Variants in SH3PXD2A observed in about 807,000 individuals in gnomAD.
SH3PXD2A encodes SH3 and PX domain-containing protein 2A.
SH3PXD2A carries 32 observed loss-of-function variants against 115.2 expected under a neutral mutation model. The ratio of observed to expected loss-of-function variants is 0.28; its 90% CI spans 0.21 to 0.37. The LOEUF is 0.37. Ranked by LOEUF, SH3PXD2A falls within the 10% of genes least tolerant of loss-of-function variation. SH3PXD2A has a pLI of 1.00. For synonymous variants in SH3PXD2A, 610 were observed against 629.1 expected (o/e 0.97, Z 0.45); for missense variants, 1,328 against 1,498.7 (o/e 0.89, Z 1.88).
At chr10:103,730,096 G>A (rs894614145) in intron 4 of SH3PXD2A, among the ~76,000 whole-genome samples, 4 of 152,198 alleles carry the variant, frequency 2.6e-5, no homozygotes, top group Non-Finnish European at 5.9e-5. Flanking sequence ...CCTCCACAGA[G>A]CCCACCACTC....
intron 2 of SH3PXD2A, among the ~76,000 whole-genome samples, chr10:103,794,366 C>T (rs372079913): frequency 1.3e-5 from 2 of 152,152 alleles, no homozygotes; most frequent in East Asian, 1.9e-4. Flanking sequence ...CCTGTGCACT[C>T]GCTGGCCAGA....
chr10:103,822,925 G>A (rs2039395733), intron 1 of SH3PXD2A, among the ~76,000 whole-genome samples: 1 of 152,206 alleles, frequency 6.6e-6, no homozygotes, highest in South Asian at 2.1e-4. Flanking sequence ...CTATCTGGCT[G>A]ACAGAAACAA....
At position 103,599,444 on chromosome 10, in the gene SH3PXD2A, A is replaced by ACAT. The variant is rs2036185096; in HGVS notation, c.*2369_*2371dup. 6.6e-6 allele frequency: 1 copy of ACAT among 152,652 alleles called. No homozygotes were observed. Among genetic ancestry groups the ACAT allele is most frequent in the African/African-American group, 2.4e-5 (1 of 41,442 alleles). 9.5% of individuals were successfully genotyped at this position (152,652 alleles called of 1,614,324 possible). On this transcript the variant is annotated 3_prime_UTR_variant, in exon 15 of 15. Transcript: ENST00000369774. ...TAGTGACTGAACTGGCTCAGTGCAG[A>ACAT]CATCTGAGGAGCGAGGCTGCAGGGC...
At chr10:103,768,218 T>C (rs1388845403) in intron 2 of SH3PXD2A, among the ~76,000 whole-genome samples, 1 of 152,184 alleles carries the variant, frequency 6.6e-6, no homozygotes, top group African/African-American at 2.4e-5. Flanking sequence ...CAAGTAAGAA[T>C]GTCATGTGCC....
intron 1 of SH3PXD2A, among the ~76,000 whole-genome samples, chr10:103,840,314 G>A (rs780523499): frequency 5.3e-5 from 8 of 151,998 alleles, no homozygotes; most frequent in Non-Finnish European, 1.0e-4. Flanking sequence ...TAAACACATC[G>A]CCACCCCGGC....
intron 6 of SH3PXD2A, among the ~76,000 whole-genome samples, chr10:103,679,811 C>T (rs72815765): frequency 1.4e-4 from 22 of 152,286 alleles, no homozygotes; most frequent in Non-Finnish European, 2.8e-4. Context: ...AAGGATCTGA[C>T]CCTCCAGCTG....
chr10:103,831,133 T>C (rs903416384), intron 1 of SH3PXD2A, among the ~76,000 whole-genome samples: 1 of 152,272 alleles, frequency 6.6e-6, no homozygotes, highest in African/African-American at 2.4e-5. Context: ...TTTACATAAA[T>C]GGATCGATAT....
intron 1 of SH3PXD2A, among the ~76,000 whole-genome samples, chr10:103,849,475 C>A (rs1589484352): frequency 6.6e-6 from 1 of 152,202 alleles, no homozygotes; most frequent in Non-Finnish European, 1.5e-5. Flanking sequence ...CTCTGACCGG[C>A]ACCATGCACA....
At chr10:103,735,624 G>T in intron 4 of SH3PXD2A, 108 bp downstream of exon 4, 2 of 881,740 alleles carry the variant, frequency 2.3e-6, no homozygotes, top group South Asian at 1.4e-5. Context: ...GCCTCAGGAC[G>T]GTTCTGTACA....
At chr10:103,691,860 CAT>C (rs1481634233) in intron 6 of SH3PXD2A, among the ~76,000 whole-genome samples, 2 of 152,152 alleles carry the variant, frequency 1.3e-5, no homozygotes, top group African/African-American at 2.4e-5. Context: ...GCCCCCAACA[CAT>C]AAACCAGGAC....
At chr10:103,684,519 C>T (rs1177350134) in intron 6 of SH3PXD2A, among the ~76,000 whole-genome samples, 5 of 152,080 alleles carry the variant, frequency 3.3e-5, no homozygotes, top group South Asian at 2.1e-4. Context: ...CCACCACATC[C>T]GGCTAATTTT....
chr10:103,615,483 G>GGTGT (rs57711259), intron 11 of SH3PXD2A, among the ~76,000 whole-genome samples: 4,427 of 128,324 alleles, frequency 0.034, 149 homozygotes, highest in Middle Eastern at 0.067. Flanking sequence ...AGAGTGCGAG[G>GGTGT]GTGTGTGTGT....
intron 1 of SH3PXD2A, among the ~76,000 whole-genome samples, chr10:103,810,791 A>T (rs989109594): frequency 2.6e-5 from 4 of 151,816 alleles, no homozygotes; most frequent in African/African-American, 9.7e-5. Flanking sequence ...ATAGGAGGGG[A>T]GCAGGAAGTA....
chr10:103,837,975 TGACTACCG>T (rs1458672220), intron 1 of SH3PXD2A, among the ~76,000 whole-genome samples: 62 of 151,822 alleles, frequency 4.1e-4, no homozygotes, highest in African/African-American at 1.5e-3. Context: ...TGAAGGAAAG[TGACTACCG>T]GATGCCTCAT....
At chr10:103,799,261 C>G (rs2039124848) in intron 2 of SH3PXD2A, among the ~76,000 whole-genome samples, 1 of 152,210 alleles carries the variant, frequency 6.6e-6, no homozygotes, top group Non-Finnish European at 1.5e-5. Context: ...TAGGATCCGC[C>G]ATACCAAAAT....
intron 1 of SH3PXD2A, among the ~76,000 whole-genome samples, chr10:103,851,723 T>C (rs568008454): frequency 1.3e-5 from 2 of 152,354 alleles, no homozygotes; most frequent in South Asian, 4.1e-4. Flanking sequence ...GTGTTAAGTA[T>C]GTTTCACCAT....
chr10:103,736,794 G>A (rs760600010), intron 3 of SH3PXD2A: 13 of 1,288,918 alleles, frequency 1.0e-5, no homozygotes, highest in Admixed American at 4.6e-5. Context: ...TAGCTGTAAC[G>A]GGCATCTGTT....
At position 103,724,330 on chromosome 10, in the gene SH3PXD2A, T is replaced by C; in HGVS notation, c.338A>G (p.Gln113Arg). ...GAAGAACCGGAAGACTTCGTCACAC[T>C]GTGAGATGTGGGGGGGCAGCCGGAC... ...ALVRLPPHIS[Q>R]CDEVFRFFEA... Residue 113 changes from glutamine (Q) to arginine (R), a missense_variant, in exon 5 of 15, where the codon CAG (glutamine) becomes CGG (arginine). Transcript: ENST00000369774. The C allele has an allele frequency of 6.3e-7, 1 of 1,584,892 alleles. No individual in the cohort carries two copies. Among genetic ancestry groups the C allele is most frequent in the African/African-American group, 1.4e-5 (1 of 72,920 alleles).
intron 1 of SH3PXD2A, among the ~76,000 whole-genome samples, chr10:103,816,783 A>C (rs1167000334): frequency 6.6e-6 from 1 of 152,206 alleles, no homozygotes; most frequent in Non-Finnish European, 1.5e-5. Context: ...AAAATAACTC[A>C]AATGTCCACT....
Sources: allele counts gnomAD v4.1 joint callset (sites outside exome capture counted in the v4.1 genomes callset), GRCh38; gene constraint gnomAD v4.1.1; transcripts MANE v1.5; gene names NCBI Gene and HGNC (gene_info 2026-07-23, HGNC 2026-07-21).